PLXDC1: variants seen among roughly 807,000 people sequenced by gnomAD.
PLXDC1 encodes the protein plexin domain-containing protein 1.
In PLXDC1, 39 loss-of-function variants were observed where a neutral mutation model predicts 61.3. The observed-to-expected ratio is 0.64, with a 90% confidence interval of 0.49 to 0.83. The LOEUF (loss-of-function observed/expected upper bound fraction) is 0.83, where lower values mean the gene tolerates loss of function less well. Ranked by LOEUF, PLXDC1 falls within the 40% of genes least tolerant of loss-of-function variation. The pLI is 0.00. For missense variants in PLXDC1, 596 were observed against 666.5 expected (o/e 0.89, Z 1.17); for synonymous variants, 212 against 254.5 (o/e 0.83, Z 1.59).
intron 7 of PLXDC1, among the ~76,000 whole-genome samples, chr17:39,094,852 C>T (rs750932077): frequency 2.0e-5 from 3 of 152,188 alleles, no homozygotes; most frequent in African/African-American, 4.8e-5. Context: ...GTAAACCAGA[C>T]ATGCCGCCTC....
chr17:39,072,479 G>T lies in PLXDC1; in HGVS notation c.1193C>A (p.Thr398Asn). ...TCCTCCTGCATAGGGATTCAACTTG[G>T]TGTCATCTTCAAAGAGAGAAGACAG... The part of the protein sequence containing the change: ...FIDSLTTEDD[T>N]KLNPYAGGDG... Residue 398 changes from threonine to asparagine, a missense_variant, in exon 12 of 14, where the codon ACC becomes AAC. Physicochemically the swap from Thr to Asn is moderately conservative, Grantham distance 65. Coordinates refer to ENST00000315392, the MANE Select transcript of PLXDC1 (RefSeq NM_020405.5). 6.5e-7 allele frequency: 1 copy of T among 1,545,452 alleles called. No individual in the cohort carries two copies. Among genetic ancestry groups the T allele is most frequent in the Non-Finnish European group, 8.8e-7 (1 of 1,137,280 alleles).
rs201338950 is a variant in PLXDC1 at position 39,108,959 on chromosome 17, G to C, written c.414C>G (p.Ser138=). The C allele has an allele frequency of 3.1e-6, 5 of 1,613,032 alleles. No homozygotes were observed. In the Admixed American group the frequency reaches 6.7e-5, roughly 22 times the overall value. ...GATGCCCGTAGAAAGGGAAATCAAA[G>C]GACAAGACCACTCTCTGCAGGGGAT... is the stretch of plus-strand genomic sequence containing the variant. ...THRQASRVVL[S]FDFPFYGHPL... Residue 138 remains serine (S), a synonymous_variant, in exon 4 of 14, where the codon TCC becomes TCG. Transcript: ENST00000315392.
intron 1 of PLXDC1, among the ~76,000 whole-genome samples, chr17:39,147,149 G>C (rs1388442472): frequency 6.6e-6 from 1 of 151,840 alleles, no homozygotes; most frequent in African/African-American, 2.4e-5. Context: ...GTAGAGACAG[G>C]GTTTCACCAT....
chr17:39,141,857 G>C (rs977699806), intron 1 of PLXDC1, among the ~76,000 whole-genome samples: 3 of 152,044 alleles, frequency 2.0e-5, no homozygotes, highest in African/African-American at 7.2e-5. Context: ...ATCCTAACAG[G>C]TATGAGGTTA....
At chr17:39,146,718 T>C (rs2045344742) in intron 1 of PLXDC1, among the ~76,000 whole-genome samples, 1 of 151,272 alleles carries the variant, frequency 6.6e-6, no homozygotes, top group Non-Finnish European at 1.5e-5. Flanking sequence ...TAGCCAGATG[T>C]GGTGGTGCAT....
intron 8 of PLXDC1, among the ~76,000 whole-genome samples, chr17:39,086,942 TG>T (rs1438301345): frequency 6.7e-6 from 1 of 150,054 alleles, no homozygotes; most frequent in Non-Finnish European, 1.5e-5. Flanking sequence ...AGCAGGAAGC[TG>T]GGGGCACCAC....
intron 11 of PLXDC1, among the ~76,000 whole-genome samples, chr17:39,073,667 G>C (rs1262394630): frequency 6.6e-6 from 1 of 152,230 alleles, no homozygotes; most frequent in Admixed American, 6.5e-5. Context: ...TGGCTCCTGA[G>C]TTAGTGGATC....
chr17:39,105,292 G>A lies in PLXDC1; in HGVS notation c.811+562C>T, dbSNP rs76343046. 2.5e-3 allele frequency among the ~76,000 whole-genome samples: 376 copies of A among 152,304 alleles called. 1 individual carries two copies. Among genetic ancestry groups the A allele is most frequent in the African/African-American group, 8.4e-3 (348 of 41,564 alleles). ...CCCTCGTGAGCACGCAATGGGGGTC[G>A]GGAGCAGGGGAGAAAGAGCTATGAC... On this transcript the variant is annotated intron_variant, in intron 7 of 13. Transcript: ENST00000315392.
At chr17:39,126,080 C>G (rs1431314743) in intron 2 of PLXDC1, among the ~76,000 whole-genome samples, 2 of 152,080 alleles carry the variant, frequency 1.3e-5, no homozygotes, top group African/African-American at 4.8e-5. Context: ...ATAGTGAAAC[C>G]CTGTCTCTAA....
At position 39,064,407 on chromosome 17, in the gene PLXDC1, G is replaced by C. The variant is rs1908818821; in HGVS notation, c.*3433C>G. On this transcript the variant is annotated 3_prime_UTR_variant, in exon 14 of 14. Transcript: ENST00000315392. Reference sequence around the variant, plus strand: ...CTCTGTGAGAAGTTTTAGGGGCAGGGGGTTTAAATTATCAAATTTAGCTGG... The same window carrying C: ...CTCTGTGAGAAGTTTTAGGGGCAGGCGGTTTAAATTATCAAATTTAGCTGG... 1 of 152,126 alleles carries C rather than the reference G, an allele frequency of 6.6e-6. No individual in the cohort carries two copies. The highest frequency in any genetic ancestry group is 1.5e-5 in the Non-Finnish European group (1 of 68,024). 9.4% of individuals were successfully genotyped at this position (152,126 alleles called of 1,614,324 possible). A position where few individuals can be genotyped will look rare whatever the true frequency, so the allele number is the denominator to read the frequency against.
chr17:39,088,499 C>A (rs866302947), intron 7 of PLXDC1, among the ~76,000 whole-genome samples: 1 of 152,154 alleles, frequency 6.6e-6, no homozygotes, highest in South Asian at 2.1e-4. Flanking sequence ...AAACACCTAC[C>A]ACAACACCCT....
chr17:39,087,058 C>T (rs1023732095), intron 8 of PLXDC1, among the ~76,000 whole-genome samples: 43 of 152,276 alleles, frequency 2.8e-4, no homozygotes, highest in African/African-American at 1.0e-3. Flanking sequence ...AGAGCATCCA[C>T]CGCGGATCCT....
rs114260981 is a variant in PLXDC1 at position 39,098,773 on chromosome 17, G to A, written c.811+7081C>T. The stretch of plus-strand genomic sequence containing the variant: ...AGTAAAAAAGATTGGAGTAAGAGGC[G>A]TTTTATACAAGGGGACTGTGTCATA... On this transcript the variant is annotated intron_variant, in intron 7 of 13. Transcript: ENST00000315392. Among the ~76,000 whole-genome samples, 465 of 152,180 alleles carry A rather than the reference G, an allele frequency of 3.1e-3. 2 individuals carry two copies. Among genetic ancestry groups the A allele is most frequent in the African/African-American group, 0.011 (444 of 41,510 alleles).
intron 2 of PLXDC1, among the ~76,000 whole-genome samples, chr17:39,139,367 A>G (rs917077092): frequency 1.3e-5 from 2 of 152,182 alleles, no homozygotes; most frequent in African/African-American, 4.8e-5. Context: ...GGGAGAGTCC[A>G]GTTTCAGGAA....
rs1377913005 is a variant in PLXDC1, at chr17:39,151,537, C to A, written c.-100G>T. 3 of 1,215,868 alleles carry A rather than the reference C, an allele frequency of 2.5e-6. No homozygotes were observed. The African/African-American group carries it at 4.7e-5, about 19-fold the overall frequency. 75.3% of individuals were successfully genotyped at this position (1,215,868 alleles called of 1,614,324 possible). On this transcript the variant is annotated 5_prime_UTR_variant, in exon 1 of 14. Transcript: ENST00000315392. The surrounding 1 kb of genome is among the most constrained non-coding windows in gnomAD (Gnocchi z 5.2). ...GCGGCCGCGCGGTCCCCGGGGCTGG[C>A]GGAGGGGCGGGCGGCGAGGAGACGG... is the stretch of plus-strand genomic sequence containing the variant.
chr17:39,076,881 G>A (rs549861523), intron 11 of PLXDC1, among the ~76,000 whole-genome samples: 37 of 152,110 alleles, frequency 2.4e-4, no homozygotes, highest in African/African-American at 7.7e-4. Flanking sequence ...GATTACAGGC[G>A]CCCACGACCA....
At chr17:39,104,542 G>C (rs1047097680) in intron 7 of PLXDC1, among the ~76,000 whole-genome samples, 1 of 152,184 alleles carries the variant, frequency 6.6e-6, no homozygotes, top group African/African-American at 2.4e-5. Context: ...CCAGCACTTT[G>C]GGATGCCAAG....
At chr17:39,107,992 A>C in intron 5 of PLXDC1, 131 bp downstream of exon 5, 6 of 1,133,720 alleles carry the variant, frequency 5.3e-6, no homozygotes, top group Non-Finnish European at 7.8e-6. Flanking sequence ...GAAACTGAGC[A>C]GAGAAAGGTA....
At position 39,067,364 on chromosome 17, in the gene PLXDC1, AC is replaced by A. The variant is rs1349022157; in HGVS notation, c.*475del. ...CAGTCTGTCATGTGACAATAGCCAAACCTCCTCATTCCTATAAATCTTTAAC... is the reference window on the plus strand; with the variant it reads ...CAGTCTGTCATGTGACAATAGCCAAACTCCTCATTCCTATAAATCTTTAAC... On this transcript the variant is annotated 3_prime_UTR_variant, in exon 14 of 14. Coordinates refer to ENST00000315392, the MANE Select transcript of PLXDC1 (RefSeq NM_020405.5). The A allele has an allele frequency of 6.5e-6, 1 of 154,756 alleles. No individual in the cohort carries two copies. Among genetic ancestry groups the A allele is most frequent in the Non-Finnish European group, 1.4e-5 (1 of 69,574 alleles). The allele number at this position is 154,756 out of a possible 1,614,324, so 9.6% of individuals were successfully genotyped here.
Sources: gnomAD v4.1 joint callset for allele counts (sites outside exome capture counted in the v4.1 genomes callset) on GRCh38, gnomAD v4.1.1 for gene constraint, Gnocchi (gnomAD v3.1) non-coding constraint, MANE v1.5 for transcripts, NCBI Gene and HGNC (gene_info 2026-07-23, HGNC 2026-07-21) for gene names.